The following NDRG1 variants were observed in gnomAD, a reference collection of about 807,000 sequenced individuals.
The protein encoded by NDRG1 is N-myc downstream regulated 1, also known as protein NDRG1.
A neutral mutation model predicts 56.9 loss-of-function variants in NDRG1; 32 were observed. The observed-to-expected ratio is 0.56, with a 90% CI of 0.42 to 0.76. The LOEUF (loss-of-function observed/expected upper bound fraction) is 0.76, where lower values mean the gene tolerates loss of function less well. NDRG1 is among the 30% of genes least tolerant of loss of function. NDRG1 has a pLI of 0.00. For synonymous variants in NDRG1, 211 were observed against 204.1 expected (o/e 1.03, Z -0.29); for missense variants, 507 against 545.7 (o/e 0.93, Z 0.71).
chr8:133,253,271 C>G (rs1341352293), intron 9 of NDRG1, among the ~76,000 whole-genome samples: 2 of 152,212 alleles, frequency 1.3e-5, no homozygotes, highest in African/African-American at 4.8e-5. Flanking sequence ...TGGGGTAACT[C>G]TGCAGAAGAG....
At chr8:133,287,754 C>T (rs1858198501) in intron 1 of NDRG1, among the ~76,000 whole-genome samples, 1 of 152,222 alleles carries the variant, frequency 6.6e-6, no homozygotes, top group African/African-American at 2.4e-5. Context: ...GGCCTCTGCC[C>T]ACCACATGCC....
At chr8:133,249,689 T>A (rs1855903772) in intron 10 of NDRG1, among the ~76,000 whole-genome samples, 2 of 152,224 alleles carry the variant, frequency 1.3e-5, no homozygotes, top group African/African-American at 4.8e-5. Context: ...AGGTTTCGGT[T>A]TCTTCAGTCA....
chr8:133,280,178 G>T, intron 3 of NDRG1, 54 bp downstream of exon 3: 3 of 1,601,760 alleles, frequency 1.9e-6, no homozygotes, highest in Non-Finnish European at 2.6e-6. Flanking sequence ...AAAGAAAAAG[G>T]AAAAAGAGAA....
chr8:133,276,576 G>T (rs529005348), intron 3 of NDRG1, among the ~76,000 whole-genome samples: 1 of 152,158 alleles, frequency 6.6e-6, no homozygotes, highest in Non-Finnish European at 1.5e-5. Context: ...TGAGTCTCAA[G>T]AGATCTCATG....
intron 15 of NDRG1, 22 bp downstream of exon 15, chr8:133,242,001 A>T: frequency 1.2e-6 from 2 of 1,614,058 alleles, no homozygotes; most frequent in Non-Finnish European, 1.7e-6. Flanking sequence ...GACCCACTGC[A>T]CACGGGGAAT....
At chr8:133,267,735 A>C (rs1319568767) in intron 3 of NDRG1, among the ~76,000 whole-genome samples, 1 of 152,156 alleles carries the variant, frequency 6.6e-6, no homozygotes, top group African/African-American at 2.4e-5. Flanking sequence ...ACCGCCACGG[A>C]CATCGGAGTT....
intron 9 of NDRG1, among the ~76,000 whole-genome samples, chr8:133,254,015 T>G (rs189799705): frequency 1.6e-3 from 243 of 151,720 alleles, no homozygotes; most frequent in African/African-American, 5.7e-3. Context: ...AATAAACTAT[T>G]GATCCACTCA....
intron 3 of NDRG1, among the ~76,000 whole-genome samples, chr8:133,275,010 T>C (rs747896911): frequency 1.3e-5 from 2 of 152,192 alleles, no homozygotes; most frequent in Non-Finnish European, 2.9e-5. Context: ...GCAACTCCCA[T>C]GTGAATCTGA....
At chr8:133,264,830 C>T (rs2130744028) in intron 3 of NDRG1, 178 bp from the exon 4 acceptor site, 1 of 654,380 alleles carries the variant, frequency 1.5e-6, no homozygotes. Flanking sequence ...AGGACCAGGG[C>T]TAGGAGGGGA....
chr8:133,265,676 C>T (rs1856882521), intron 3 of NDRG1, among the ~76,000 whole-genome samples: 1 of 152,096 alleles, frequency 6.6e-6, no homozygotes, highest in African/African-American at 2.4e-5. Context: ...TGAAGACCTG[C>T]TCACCTTTCT....
At chr8:133,267,069 G>A (rs971861858) in intron 3 of NDRG1, among the ~76,000 whole-genome samples, 2 of 152,106 alleles carry the variant, frequency 1.3e-5, no homozygotes, top group Admixed American at 1.3e-4. Context: ...AGGGGTTCCC[G>A]ACACTCACTT....
At chr8:133,252,817 G>A (rs1029534595) in intron 9 of NDRG1, among the ~76,000 whole-genome samples, 5 of 150,844 alleles carry the variant, frequency 3.3e-5, no homozygotes, top group African/African-American at 1.2e-4. Context: ...GCCAACTCCA[G>A]AGTGGGGACT....
Position 133,279,987 on chromosome 8 carries a change from A to G in NDRG1, c.99+245T>C, listed in dbSNP as rs6980661. 0.32 allele frequency among the ~76,000 whole-genome samples: 47,993 copies of G among 152,020 alleles called. 9,301 individuals carry two copies. Among genetic ancestry groups the G allele is most frequent in the African/African-American group, 0.53 (21,777 of 41,420 alleles). ...CCACCGTTCTGGCCAGCTCTTTGGG[A>G]CTGAAACAGGCGGTGTCTCTGTCCT... is the stretch of plus-strand genomic sequence containing the variant. On this transcript the variant is annotated intron_variant, in intron 3 of 15. Coordinates refer to ENST00000323851, the MANE Select transcript of NDRG1 (RefSeq NM_006096.4).
At chr8:133,286,752 C>G (rs1472065601) in intron 1 of NDRG1, among the ~76,000 whole-genome samples, 2 of 152,128 alleles carry the variant, frequency 1.3e-5, no homozygotes, top group East Asian at 3.8e-4. Context: ...TGTCTAGTGA[C>G]ATTATTTATT....
At position 133,238,872 on chromosome 8, in the gene NDRG1, G is replaced by C; in HGVS notation, c.*6C>G. 1 of 1,550,690 alleles carries C rather than the reference G, an allele frequency of 6.4e-7. No individual in the cohort carries two copies. The highest frequency in any genetic ancestry group is 8.7e-7 in the Non-Finnish European group (1 of 1,149,070). On this transcript the variant is annotated 3_prime_UTR_variant, in exon 16 of 16. Coordinates refer to ENST00000323851, the MANE Select transcript of NDRG1 (RefSeq NM_006096.4). ...AGAGTCCGGGGGCGGCAGCTGGGCA[G>C]GCCGCCTAGCAGGAGACCTCCATGG... is the stretch of plus-strand genomic sequence containing the variant.
chr8:133,254,725 A>G, intron 8 of NDRG1, 130 bp from the exon 9 acceptor site: 1 of 888,340 alleles, frequency 1.1e-6, no homozygotes, highest in South Asian at 1.4e-5. Flanking sequence ...CCTCAAGGAC[A>G]TCCCCCTTGA....
intron 10 of NDRG1, among the ~76,000 whole-genome samples, chr8:133,249,800 T>C (rs1376986282): frequency 1.3e-5 from 2 of 152,246 alleles, no homozygotes; most frequent in African/African-American, 4.8e-5. Context: ...AGTCACTTTA[T>C]TAACATTTGA....
chr8:133,282,328 A>C (rs1857855870), intron 2 of NDRG1, among the ~76,000 whole-genome samples: 1 of 152,244 alleles, frequency 6.6e-6, no homozygotes, highest in African/African-American at 2.4e-5. Context: ...TGCTGTCTGT[A>C]ATAGCAAAAG....
chr8:133,267,997 A>G (rs1161651980), intron 3 of NDRG1, among the ~76,000 whole-genome samples: 1 of 152,172 alleles, frequency 6.6e-6, no homozygotes, highest in Non-Finnish European at 1.5e-5. Context: ...GCGAGTGGGT[A>G]GCAGATTTTT....
Sources: allele counts gnomAD v4.1 joint callset (sites outside exome capture counted in the v4.1 genomes callset), GRCh38; gene constraint gnomAD v4.1.1; transcripts MANE v1.5; gene names NCBI Gene and HGNC (gene_info 2026-07-23, HGNC 2026-07-21).